MAP2K5: variants seen among roughly 807,000 people sequenced by gnomAD.
MAP2K5 encodes the protein dual specificity mitogen-activated protein kinase kinase 5.
In MAP2K5, 49 loss-of-function variants were observed where a neutral mutation model predicts 83.1. That is an observed-to-expected ratio of 0.59 (90% CI 0.47 to 0.75). The LOEUF (loss-of-function observed/expected upper bound fraction) is 0.75, where lower values mean the gene tolerates loss of function less well. Among genes scored for constraint, MAP2K5 ranks in the 30% least tolerant of loss-of-function variants. The pLI, the probability that MAP2K5 is intolerant of heterozygous loss-of-function variation, is 0.00. For missense variants in MAP2K5, 457 were observed against 557.5 expected, an observed-to-expected ratio of 0.82 and a Z score of 1.82; for synonymous variants, 202 against 191.8, an observed-to-expected ratio of 1.05 and a Z score of -0.44.
intron 13 of MAP2K5, among the ~76,000 whole-genome samples, chr15:67,675,097 C>T (rs2141173705): frequency 6.6e-6 from 1 of 152,284 alleles, no homozygotes; most frequent in East Asian, 1.9e-4. Context: ...CATTCCTGGG[C>T]ATTTATCCCA....
rs2087440420 is a variant in MAP2K5, at chr15:67,668,354, C to CATA, written c.847+3712_847+3714dup. ...AACGTGTGATAATTCCACATGAGGA[C>CATA]ATAATCATTAAAAATGTTTGAAATG... On this transcript the variant is annotated intron_variant, in intron 13 of 21. Coordinates refer to ENST00000178640, the MANE Select transcript of MAP2K5 (RefSeq NM_145160.3). This position sits in a 1 kb window ranked among gnomAD's most constrained non-coding sequence, Gnocchi z 4.0. Among the ~76,000 whole-genome samples the CATA allele has an allele frequency of 6.6e-6, 1 of 152,098 alleles. No homozygotes were observed. Among genetic ancestry groups the CATA allele is most frequent in the Non-Finnish European group, 1.5e-5 (1 of 68,024 alleles).
intron 8 of MAP2K5, chr15:67,627,877 G>T: frequency 3.1e-6 from 2 of 644,282 alleles, no homozygotes. Context: ...CTCCTAAAGA[G>T]CCTGAACAGC....
intron 17 of MAP2K5, among the ~76,000 whole-genome samples, chr15:67,742,043 T>C (rs1028314620): frequency 6.6e-6 from 1 of 152,092 alleles, no homozygotes; most frequent in East Asian, 1.9e-4. Context: ...TACAGGTGTC[T>C]GCCACCACAC....
chr15:67,806,656 T>A lies in MAP2K5; in HGVS notation c.1253T>A (p.Phe418Tyr). The change falls in exon 22 of 22, where the codon TTC becomes TAC. Residue 418 changes from phenylalanine (F) to tyrosine (Y), a missense_variant. Physicochemically the swap from Phe to Tyr is conservative, Grantham distance 22. This residue lies in a region of MAP2K5 where 55 missense variants were observed against 50.9 expected (regional missense o/e 1.08). Coordinates refer to ENST00000178640, the MANE Select transcript of MAP2K5 (RefSeq NM_145160.3). Reference protein sequence around the residue: ...PAPEELMGHPFIVQFNDGNAA... With the variant: ...PAPEELMGHPYIVQFNDGNAA... ...TCCTCTTCCCCGCAGGGCCACCCGT[T>A]CATCGTGCAGTTCAATGATGGAAAT... is the stretch of plus-strand genomic sequence containing the variant. 6.4e-7 allele frequency: 1 copy of A among 1,550,842 alleles called. No homozygotes were observed. Among genetic ancestry groups the A allele is most frequent in the South Asian group, 1.2e-5 (1 of 84,064 alleles).
chr15:67,607,330 T>C (rs1325279616), intron 8 of MAP2K5, among the ~76,000 whole-genome samples: 2 of 152,226 alleles, frequency 1.3e-5, no homozygotes, highest in Non-Finnish European at 2.9e-5. Context: ...TTATGTATGT[T>C]TCCTTCTCTC....
In MAP2K5 at chr15:67,572,823, T is replaced by C. The variant is rs1435898194; in HGVS notation, c.253-7931T>C. ...AAGTGATTCTCCTGCCTCAACCTCC[T>C]GAGTAGCTGGGACTACAGGCACCTG... On this transcript the variant is annotated intron_variant, in intron 3 of 21. Transcript: ENST00000178640. This position sits in a 1 kb window ranked among gnomAD's most constrained non-coding sequence, Gnocchi z 4.2. Among the ~76,000 whole-genome samples, 1 of 151,978 alleles carries C rather than the reference T, an allele frequency of 6.6e-6. No homozygotes were observed. Among genetic ancestry groups the C allele is most frequent in the Non-Finnish European group, 1.5e-5 (1 of 67,982 alleles).
chr15:67,591,664 G>A (rs543038104), intron 6 of MAP2K5, among the ~76,000 whole-genome samples: 46 of 151,488 alleles, frequency 3.0e-4, no homozygotes, highest in African/African-American at 1.0e-3. Flanking sequence ...CCACCGCGCC[G>A]GCCCCTTAAC....
At chr15:67,806,605 T>C (rs1338092760) in intron 21 of MAP2K5, 41 bp from the exon 22 acceptor site, 1 of 1,519,512 alleles carries the variant, frequency 6.6e-7, no homozygotes, top group African/African-American at 1.4e-5. Flanking sequence ...AGCGCGGGAG[T>C]CCGAGGACTG....
chr15:67,739,988 G>T (rs138371349), intron 17 of MAP2K5, among the ~76,000 whole-genome samples: 6 of 152,272 alleles, frequency 3.9e-5, no homozygotes, highest in African/African-American at 7.2e-5. Context: ...TTGGAAGGAT[G>T]GGGGGAAGCT....
intron 17 of MAP2K5, among the ~76,000 whole-genome samples, chr15:67,743,221 G>T (rs949025031): frequency 2.0e-5 from 3 of 152,186 alleles, no homozygotes; most frequent in Non-Finnish European, 4.4e-5. Flanking sequence ...CAGAGAGAAG[G>T]TGCCAGTGAG....
intron 8 of MAP2K5, among the ~76,000 whole-genome samples, chr15:67,609,525 G>GAATCTGTAGACCTATTCTATAGGTCTA (rs1567307150): frequency 1.2e-4 from 6 of 48,996 alleles, no homozygotes; most frequent in African/African-American, 5.3e-4. Flanking sequence ...CTATAGGTCT[G>GAATCTGTAGACCTATTCTATAGGTCTA]TAGATTCTGT....
At chr15:67,549,289 C>A in intron 1 of MAP2K5, 3 of 1,206,550 alleles carry the variant, frequency 2.5e-6, no homozygotes, top group Non-Finnish European at 3.5e-6. Context: ...TTTATTTAAG[C>A]ATTGATGTCA....
intron 16 of MAP2K5, 103 bp downstream of exon 16, chr15:67,703,511 A>C: frequency 1.1e-6 from 1 of 919,346 alleles, no homozygotes; most frequent in Non-Finnish European, 1.7e-6. Context: ...AACCTTCAGC[A>C]TGTTATATAG....
chr15:67,619,854 C>G (rs529325651), intron 8 of MAP2K5, among the ~76,000 whole-genome samples: 1 of 152,284 alleles, frequency 6.6e-6, no homozygotes, highest in South Asian at 2.1e-4. Context: ...TCATTTGAGG[C>G]CAGGAGTTCA....
intron 6 of MAP2K5, among the ~76,000 whole-genome samples, chr15:67,590,671 C>T (rs1028600205): frequency 4.6e-5 from 7 of 152,024 alleles, no homozygotes; most frequent in African/African-American, 1.7e-4. Context: ...CAGGCTTGTT[C>T]TTGAACTCCT....
At chr15:67,714,372 A>G (rs902477310) in intron 16 of MAP2K5, among the ~76,000 whole-genome samples, 3 of 124,930 alleles carry the variant, frequency 2.4e-5, no homozygotes, top group African/African-American at 9.0e-5. Flanking sequence ...GCCTCTAAAT[A>G]TACAGAACTC....
At chr15:67,634,381 A>AT (rs2086548060) in intron 9 of MAP2K5, among the ~76,000 whole-genome samples, 6 of 58,234 alleles carry the variant, frequency 1.0e-4, no homozygotes, top group Non-Finnish European at 1.6e-4. Context: ...AAAAAAAAAA[A>AT]AAAAAAAAAA....
At chr15:67,596,553 C>T (rs2085531887) in intron 7 of MAP2K5, among the ~76,000 whole-genome samples, 1 of 152,166 alleles carries the variant, frequency 6.6e-6, no homozygotes, top group African/African-American at 2.4e-5. Flanking sequence ...TCTTACAGTT[C>T]ATCTTGGATT....
chr15:67,759,256 A>G (rs1267867786), intron 19 of MAP2K5, among the ~76,000 whole-genome samples: 1 of 152,066 alleles, frequency 6.6e-6, no homozygotes, highest in Admixed American at 6.5e-5. Context: ...AATACCTCCC[A>G]GAAATTCAAA....
Sources: gnomAD v4.1 joint callset for allele counts (sites outside exome capture counted in the v4.1 genomes callset) on GRCh38, gnomAD v4.1.1 for gene constraint, gnomAD v4.1.1 regional missense constraint, Gnocchi (gnomAD v3.1) non-coding constraint, MANE v1.5 for transcripts, NCBI Gene and HGNC (gene_info 2026-07-23, HGNC 2026-07-21) for gene names.